The following TSPAN9 variants were observed in gnomAD, a reference collection of about 807,000 sequenced individuals.
TSPAN9 encodes tetraspanin-9.
A neutral mutation model predicts 31.0 loss-of-function variants in TSPAN9; 16 were observed. The observed-to-expected ratio is 0.52, with a 90% CI of 0.35 to 0.78. TSPAN9 has a LOEUF of 0.78. Among genes scored for constraint, TSPAN9 ranks in the 30% least tolerant of loss-of-function variants. The pLI is 0.01. For synonymous variants in TSPAN9, 145 were observed against 121.6 expected (o/e 1.19, Z -1.27); for missense variants, 272 against 312.5 (o/e 0.87, Z 0.98).
intron 2 of TSPAN9, among the ~76,000 whole-genome samples, chr12:3,140,508 C>T (rs756578272): frequency 6.6e-6 from 1 of 152,140 alleles, no homozygotes; most frequent in Non-Finnish European, 1.5e-5. Flanking sequence ...CTCTGCATCC[C>T]AGGCCTGCAG....
chr12:3,097,110 G>A (rs1293186161), intron 2 of TSPAN9, among the ~76,000 whole-genome samples: 3 of 152,192 alleles, frequency 2.0e-5, no homozygotes, highest in African/African-American at 7.2e-5. Flanking sequence ...TCATGCTGAG[G>A]ATACTGAGGC....
intron 2 of TSPAN9, among the ~76,000 whole-genome samples, chr12:3,182,472 T>A (rs2098358989): frequency 6.6e-6 from 1 of 151,934 alleles, no homozygotes; most frequent in East Asian, 1.9e-4. Flanking sequence ...CCTACCTTTT[T>A]TTTTTTCACT....
At chr12:3,184,153 G>A (rs574832262) in intron 2 of TSPAN9, among the ~76,000 whole-genome samples, 3 of 152,202 alleles carry the variant, frequency 2.0e-5, no homozygotes, top group South Asian at 2.1e-4. Flanking sequence ...ACTTTGGGGG[G>A]CCGAGGTGGG....
intron 3 of TSPAN9, among the ~76,000 whole-genome samples, chr12:3,220,650 C>G (rs1461321839): frequency 6.6e-6 from 1 of 152,204 alleles, no homozygotes; most frequent in African/African-American, 2.4e-5. Flanking sequence ...AGGACCCAAG[C>G]CCGGAGGCTT....
At chr12:3,252,000 G>A (rs957972426) in intron 3 of TSPAN9, among the ~76,000 whole-genome samples, 2 of 152,112 alleles carry the variant, frequency 1.3e-5, no homozygotes, top group Admixed American at 1.3e-4. Flanking sequence ...CCACCACATC[G>A]GCCAGCTCTG....
chr12:3,136,843 TG>T (rs146447215), intron 2 of TSPAN9, among the ~76,000 whole-genome samples: 2,886 of 152,008 alleles, frequency 0.019, 97 homozygotes, highest in African/African-American at 0.065. Flanking sequence ...GAGGCAGGGG[TG>T]GGGGGCACAT....
intron 2 of TSPAN9, among the ~76,000 whole-genome samples, chr12:3,155,611 A>G (rs1022061221): frequency 2.7e-5 from 4 of 147,794 alleles, no homozygotes; most frequent in African/African-American, 9.7e-5. Flanking sequence ...AAAAAAAAAT[A>G]AAGAGGGAGC....
intron 2 of TSPAN9, among the ~76,000 whole-genome samples, chr12:3,195,766 C>T (rs2098366752): frequency 6.6e-6 from 1 of 152,224 alleles, no homozygotes; most frequent in South Asian, 2.1e-4. Context: ...TTTCATATGC[C>T]ATGCAAGGCT....
At chr12:3,116,994 A>T (rs894575587) in intron 2 of TSPAN9, among the ~76,000 whole-genome samples, 1 of 152,218 alleles carries the variant, frequency 6.6e-6, no homozygotes, top group African/African-American at 2.4e-5. Context: ...ACACAAACTG[A>T]GTGTCAGAAG....
intron 2 of TSPAN9, among the ~76,000 whole-genome samples, chr12:3,130,345 T>C (rs1318482387): frequency 1.3e-5 from 2 of 152,254 alleles, no homozygotes; most frequent in Non-Finnish European, 2.9e-5. Context: ...CCCAAATGTT[T>C]ACTTGATCCT....
intron 2 of TSPAN9, among the ~76,000 whole-genome samples, chr12:3,116,191 G>C (rs1356724246): frequency 6.6e-6 from 1 of 152,318 alleles, no homozygotes; most frequent in Non-Finnish European, 1.5e-5. Flanking sequence ...CTCTTTAACA[G>C]GTCTCTCAAG....
At chr12:3,138,670 T>G (rs2098333236) in intron 2 of TSPAN9, among the ~76,000 whole-genome samples, 1 of 151,998 alleles carries the variant, frequency 6.6e-6, no homozygotes, top group Non-Finnish European at 1.5e-5. Flanking sequence ...TTTTTTTGTA[T>G]TTTTGTAGAG....
At chr12:3,233,490 A>G (rs2098391857) in intron 3 of TSPAN9, among the ~76,000 whole-genome samples, 1 of 152,156 alleles carries the variant, frequency 6.6e-6, no homozygotes, top group East Asian at 1.9e-4. Context: ...TAAACGATGC[A>G]TTCTATAGTT....
intron 3 of TSPAN9, among the ~76,000 whole-genome samples, chr12:3,270,832 A>G (rs1262682460): frequency 1.3e-5 from 2 of 152,256 alleles, no homozygotes; most frequent in Non-Finnish European, 2.9e-5. Flanking sequence ...AGGTGTAGGT[A>G]TTGTAACAGG....
At chr12:3,096,002 G>A (rs995685675) in intron 2 of TSPAN9, among the ~76,000 whole-genome samples, 1 of 148,162 alleles carries the variant, frequency 6.7e-6, no homozygotes, top group Non-Finnish European at 1.5e-5. Context: ...CCTTGCCCTC[G>A]GGCCCCGCGG....
At position 3,181,991 on chromosome 12, in the gene TSPAN9, G is replaced by T. The variant is rs533953432; in HGVS notation, c.-17-19186G>T. ...ACATGTGTTGTGTGCTTGTGTTTGT[G>T]TGTTGGAGGCCTGTGTGCCTTGGGA... is the stretch of plus-strand genomic sequence containing the variant. On this transcript the variant is annotated intron_variant, in intron 2 of 8. Transcript: ENST00000011898. Among the ~76,000 whole-genome samples the T allele has an allele frequency of 2.6e-5, 4 of 152,238 alleles. No homozygotes were observed. In the South Asian group the frequency reaches 8.3e-4, roughly 32 times the overall value.
At chr12:3,238,166 C>T (rs1292189310) in intron 3 of TSPAN9, among the ~76,000 whole-genome samples, 2 of 152,222 alleles carry the variant, frequency 1.3e-5, no homozygotes, top group Non-Finnish European at 2.9e-5. Flanking sequence ...CCCCATTCTA[C>T]AGGTAACAGT....
At chr12:3,225,352 G>A (rs992953448) in intron 3 of TSPAN9, among the ~76,000 whole-genome samples, 2 of 152,098 alleles carry the variant, frequency 1.3e-5, no homozygotes, top group Non-Finnish European at 2.9e-5. Flanking sequence ...ACATGTGCAC[G>A]CACAGGACAG....
intron 2 of TSPAN9, among the ~76,000 whole-genome samples, chr12:3,131,213 GC>G (rs1387067942): frequency 1.7e-4 from 26 of 151,766 alleles, no homozygotes; most frequent in African/African-American, 6.0e-4. Flanking sequence ...CATTGTCCCA[GC>G]CGGCCTTCGA....
Sources: allele counts gnomAD v4.1 joint callset (sites outside exome capture counted in the v4.1 genomes callset), GRCh38; gene constraint gnomAD v4.1.1; transcripts MANE v1.5; gene names NCBI Gene and HGNC (gene_info 2026-07-23, HGNC 2026-07-21).